The following SCAMP4 variants were observed in gnomAD, a reference collection of about 807,000 sequenced individuals.
The protein encoded by SCAMP4 is secretory carrier-associated membrane protein 4.
Under a neutral mutation model 32.1 loss-of-function variants are expected in SCAMP4, and 19 were observed. That is an observed-to-expected ratio of 0.59 (90% CI 0.41 to 0.87). The LOEUF (loss-of-function observed/expected upper bound fraction) is 0.87. Ranked by LOEUF, SCAMP4 falls within the 40% of genes least tolerant of loss-of-function variation. The pLI is 0.00. For synonymous variants in SCAMP4, 152 were observed against 132.7 expected (o/e 1.15, Z -1.00); for missense variants, 302 against 309.0 (o/e 0.98, Z 0.17).
intron 5 of SCAMP4, chr19:1,921,535 C>G (rs2013920365): frequency 1.0e-6 from 1 of 985,348 alleles, no homozygotes. Context: ...TGACAGTGTG[C>G]TGGGTGCCTC....
chr19:1,910,327 A>G (rs998990767), intron 1 of SCAMP4, among the ~76,000 whole-genome samples: 5 of 152,184 alleles, frequency 3.3e-5, no homozygotes, highest in African/African-American at 4.8e-5. Context: ...TCCTGGCCAC[A>G]TGGCCCTTCT....
Position 1,918,140 on chromosome 19 carries a change from C to T in SCAMP4, c.150C>T (p.Thr50=), listed in dbSNP as rs1453275132. The T allele has an allele frequency of 1.9e-6, 3 of 1,612,054 alleles. No individual in the cohort carries two copies. The highest frequency in any genetic ancestry group is 1.7e-4 in the Middle Eastern group (1 of 6,052). ...IYRLWMFYCA[T]LGVNLIACLA... ...CTCTCTTCGCAGTTTACTGCGCCAC[C>T]CTCGGCGTCAACCTCATTGCCTGCC... The change falls in exon 4 of 7, where the codon ACC becomes ACT. Residue 50 remains threonine (T), a synonymous_variant. Transcript: ENST00000316097.
intron 1 of SCAMP4, chr19:1,913,216 G>A (rs1217241194): frequency 1.2e-5 from 17 of 1,456,612 alleles, no homozygotes; most frequent in Admixed American, 7.9e-5. Flanking sequence ...CTGGACTTCC[G>A]GGCCTCGATT....
In SCAMP4 at chr19:1,922,889, C is replaced by T. The variant is rs113855357; in HGVS notation, c.396-181C>T. Reference sequence around the variant, plus strand: ...GTGGAGGGATAAGGTCGTATTCACGCGTTGAAGTTGGTGCCTCTCAGTATC... The same window carrying T: ...GTGGAGGGATAAGGTCGTATTCACGTGTTGAAGTTGGTGCCTCTCAGTATC... On this transcript the variant is annotated intron_variant, in intron 5 of 6. Transcript: ENST00000316097. The T allele has an allele frequency of 2.6e-4, 344 of 1,335,946 alleles. 3 individuals are homozygous for T. In the South Asian group the frequency reaches 4.7e-3, roughly 18 times the overall value. The allele number at this position is 1,335,946 out of a possible 1,614,324, so 82.8% of individuals were successfully genotyped here.
intron 1 of SCAMP4, among the ~76,000 whole-genome samples, chr19:1,909,899 C>T (rs948574220): frequency 5.9e-5 from 9 of 152,200 alleles, no homozygotes; most frequent in Non-Finnish European, 1.0e-4. Flanking sequence ...CCGGGGCTTA[C>T]GTTTCGTGGC....
chr19:1,912,097 T>C (rs1283189608), intron 1 of SCAMP4: 19 of 1,494,992 alleles, frequency 1.3e-5, no homozygotes, highest in Non-Finnish European at 1.6e-5. Context: ...TCGCTGAGGA[T>C]GGAGCCCGCC....
intron 2 of SCAMP4, among the ~76,000 whole-genome samples, chr19:1,917,300 C>T (rs886294806): frequency 6.6e-5 from 10 of 151,734 alleles, no homozygotes; most frequent in South Asian, 2.1e-4. Flanking sequence ...CGCGAGACTC[C>T]GTCTCAAAAA....
chr19:1,917,017 C>T (rs1422353539), intron 2 of SCAMP4, among the ~76,000 whole-genome samples: 8 of 152,160 alleles, frequency 5.3e-5, no homozygotes, highest in African/African-American at 7.2e-5. Flanking sequence ...AAAACAATTT[C>T]GGCCGGGCGC....
intron 1 of SCAMP4, chr19:1,912,374 G>A: frequency 6.6e-7 from 1 of 1,523,216 alleles, no homozygotes. Context: ...TGGAGATGCT[G>A]CTTTGCCTGG....
rs370883106 is a variant in SCAMP4, at chr19:1,907,679, G to A, written c.-42+2240G>A. Among the ~76,000 whole-genome samples the A allele has an allele frequency of 2.7e-3, 409 of 152,294 alleles. 1 individual carries two copies. The highest frequency in any genetic ancestry group is 9.2e-3 in the African/African-American group (382 of 41,562). ...TGACTCACCTGCCTGGAGCTATGCC[G>A]GTTCCCAGCCCAGGCTGGCGGCCGT... On this transcript the variant is annotated intron_variant, in intron 1 of 6. Coordinates refer to ENST00000316097, the MANE Select transcript of SCAMP4 (RefSeq NM_079834.4).
In SCAMP4 at chr19:1,924,039, C is replaced by T. The variant is rs142559823; in HGVS notation, c.514-69C>T. On this transcript the variant is annotated intron_variant, in intron 6 of 6. Coordinates refer to ENST00000316097, the MANE Select transcript of SCAMP4 (RefSeq NM_079834.4). ...CCTCCCGAAGTGCTGGGATGACAGG[C>T]GTGAGTCCCCGTGCCCGGCCGCCAT... 20 of 1,351,664 alleles carry T rather than the reference C, an allele frequency of 1.5e-5. 1 individual carries two copies. In the African/African-American group the frequency reaches 1.5e-4, roughly 10 times the overall value. 83.7% of individuals were successfully genotyped at this position (1,351,664 alleles called of 1,614,324 possible).
Position 1,923,148 on chromosome 19 carries a change from C to T in SCAMP4, c.474C>T (p.Phe158=). 6.4e-7 allele frequency: 1 copy of T among 1,552,272 alleles called. No homozygotes were observed. The highest frequency in any genetic ancestry group is 8.7e-7 in the Non-Finnish European group (1 of 1,147,398). ...TCATGCTGCTTCCAGCCATCATGTT[C>T]TCCGTGTCGGCTGCCATGATGGCCA... is the stretch of plus-strand genomic sequence containing the variant. ...AVVMLLPAIM[F]SVSAAMMAIA... is the part of the protein sequence containing the mutation. Residue 158 remains phenylalanine, a synonymous_variant, in exon 6 of 7, where the codon TTC becomes TTT. Transcript: ENST00000316097.
chr19:1,912,348 G>T, intron 1 of SCAMP4: 1 of 1,532,370 alleles, frequency 6.5e-7, no homozygotes, highest in Non-Finnish European at 8.7e-7. Flanking sequence ...CCGCGATGCC[G>T]GCAGCCCCCA....
At chr19:1,918,446 T>A (rs528959340) in intron 4 of SCAMP4, among the ~76,000 whole-genome samples, 163 bp downstream of exon 4, 82 of 152,336 alleles carry the variant, frequency 5.4e-4, no homozygotes, top group African/African-American at 1.9e-3. Context: ...CAGAGCCAAC[T>A]ACTGTCTGTT....
intron 2 of SCAMP4, among the ~76,000 whole-genome samples, chr19:1,916,380 C>A (rs1568769818): frequency 6.6e-6 from 1 of 152,162 alleles, no homozygotes; most frequent in Non-Finnish European, 1.5e-5. Flanking sequence ...TTCCCCGGAG[C>A]CTGCAGAGGG....
chr19:1,912,979 C>T (rs1165475047), intron 1 of SCAMP4: 3 of 1,609,856 alleles, frequency 1.9e-6, no homozygotes, highest in Non-Finnish European at 2.5e-6. Context: ...GCCATGTGCG[C>T]CATGGCCCTG....
At chr19:1,913,023 G>A (rs771850354) in intron 1 of SCAMP4, 3 of 1,605,662 alleles carry the variant, frequency 1.9e-6, no homozygotes, top group Non-Finnish European at 2.5e-6. Context: ...CTTCTACGGT[G>A]CGCCCTCGCC....
Position 1,924,382 on chromosome 19 carries a change from C to A in SCAMP4, c.*98C>A. ...GCTGGGAGTACCTGGGGCCCCATCC[C>A]CCCAGCTGGGATGGTGGAAGCCGGT... is the stretch of plus-strand genomic sequence containing the variant. On this transcript the variant is annotated 3_prime_UTR_variant, in exon 7 of 7. Coordinates refer to ENST00000316097, the MANE Select transcript of SCAMP4 (RefSeq NM_079834.4). 8.6e-7 allele frequency: 1 copy of A among 1,161,738 alleles called. No homozygotes were observed. The highest frequency in any genetic ancestry group is 1.2e-6 in the Non-Finnish European group (1 of 824,414). The allele number at this position is 1,161,738 out of a possible 1,614,324, so 72.0% of individuals were successfully genotyped here. A position where few individuals can be genotyped will look rare whatever the true frequency, so the allele number is the denominator to read the frequency against.
intron 4 of SCAMP4, 102 bp from the exon 5 acceptor site, chr19:1,918,787 A>G: frequency 1.4e-6 from 2 of 1,461,928 alleles, no homozygotes; most frequent in Non-Finnish European, 1.8e-6. Context: ...GGAATAAAAT[A>G]GAGCCTCCGC....
Sources: gnomAD v4.1 joint callset for allele counts (sites outside exome capture counted in the v4.1 genomes callset) on GRCh38, gnomAD v4.1.1 for gene constraint, MANE v1.5 for transcripts, NCBI Gene and HGNC (gene_info 2026-07-23, HGNC 2026-07-21) for gene names.